Variants in C2CD4D observed in about 807,000 individuals in gnomAD.
The protein encoded by C2CD4D is C2 calcium dependent domain containing 4D, also known as C2 calcium-dependent domain-containing protein 4D.
C2CD4D carries 1 observed loss-of-function variant against 0.2 expected under a neutral mutation model. The ratio of observed to expected loss-of-function variants is 4.00; its 90% CI spans 1.42 to 18.99. C2CD4D has a LOEUF of 18.99. Ranked by LOEUF, C2CD4D falls within the 30% of genes most tolerant of loss-of-function variation. C2CD4D has a pLI of 0.11. For synonymous variants in C2CD4D, 269 were observed against 279.8 expected, an observed-to-expected ratio of 0.96 and a Z score of 0.39; for missense variants, 552 against 551.2, an observed-to-expected ratio of 1.00 and a Z score of -0.01.
At chr1:151,839,517 C>G (rs1652716587) in intron 1 of C2CD4D, among the ~76,000 whole-genome samples, 147 bp downstream of exon 1, 1 of 152,198 alleles carries the variant, frequency 6.6e-6, no homozygotes, top group Non-Finnish European at 1.5e-5. Context: ...GGGATCCAGT[C>G]TGGCGCCCCT....
At position 151,838,758 on chromosome 1, in the gene C2CD4D, C is replaced by T. The variant is rs761128301; in HGVS notation, c.232G>A (p.Ala78Thr). 5 of 1,341,996 alleles carry T rather than the reference C, an allele frequency of 3.7e-6. No homozygotes were observed. The South Asian group carries it at 5.9e-5, about 16-fold the overall frequency. 83.1% of individuals were successfully genotyped at this position (1,341,996 alleles called of 1,614,324 possible). A position where few individuals can be genotyped will look rare whatever the true frequency, so the allele number is the denominator to read the frequency against. The change falls in exon 2 of 2, where the codon GCG (alanine) becomes ACG (threonine). Residue 78 changes from alanine to threonine, a missense_variant. Coordinates refer to ENST00000454109, the Ensembl canonical transcript of C2CD4D. The stretch of plus-strand genomic sequence containing the variant: ...GCCAGGTGAGGCAGCGAGCAGGTCG[C>T]GGGGAGGCCGCGCCCCGCCACGTGC...
chr1:151,838,630 C>T, exon 2 of C2CD4D: 1 of 1,320,670 alleles, frequency 7.6e-7, no homozygotes. Context: ...GGGACTGCGC[C>T]GCGGGGAGTC....
In C2CD4D at chr1:151,838,684, C is replaced by T. The variant is rs1055449744; in HGVS notation, c.306G>A (p.Arg102=). The T allele has an allele frequency of 7.3e-6, 10 of 1,373,358 alleles. No individual in the cohort carries two copies. In the African/African-American group the frequency reaches 7.6e-5, roughly 10 times the overall value. The allele number at this position is 1,373,358 out of a possible 1,614,324, so 85.1% of individuals were successfully genotyped here. ...GCGGCCCGTGGAACAGGGATTCCCG[C>T]CGGCGCGTGTGCGGGCTCTCGGGCA... The change falls in exon 2 of 2, where the codon CGG becomes CGA. Residue 102 remains arginine (R), a synonymous_variant. Coordinates refer to ENST00000454109, the Ensembl canonical transcript of C2CD4D.
exon 2 of C2CD4D, chr1:151,838,526 C>A: frequency 1.5e-6 from 2 of 1,344,058 alleles, no homozygotes; most frequent in Non-Finnish European, 1.9e-6. Flanking sequence ...CAGGCCTGGC[C>A]GCGGGGAGCC....
In C2CD4D at chr1:151,838,239, G is replaced by A. The variant is rs769333447; in HGVS notation, c.751C>T (p.Pro251Ser). 24 of 1,376,928 alleles carry A rather than the reference G, an allele frequency of 1.7e-5. 1 individual carries two copies. In the South Asian group the frequency reaches 4.0e-4, roughly 23 times the overall value. The allele number at this position is 1,376,928 out of a possible 1,614,324, so 85.3% of individuals were successfully genotyped here. A position where few individuals can be genotyped will look rare whatever the true frequency, so the allele number is the denominator to read the frequency against. Residue 251 changes from proline (P) to serine (S), a missense_variant, in exon 2 of 2, where the codon CCC (proline) becomes TCC (serine). By Grantham distance (74) the Pro-to-Ser change is moderately conservative. Coordinates refer to ENST00000454109, the Ensembl canonical transcript of C2CD4D. Reference sequence around the variant, plus strand: ...CAGCAGCCGCCGCCGCCGCTCCCGGGGCGGGACCGCGGCCGGGGCAGGCCC... The same window carrying A: ...CAGCAGCCGCCGCCGCCGCTCCCGGAGCGGGACCGCGGCCGGGGCAGGCCC...
chr1:151,838,262 C>A (rs1033629917), exon 2 of C2CD4D: 2 of 1,326,374 alleles, frequency 1.5e-6, no homozygotes, highest in Non-Finnish European at 1.9e-6. Context: ...CCGGGGCAGG[C>A]CCTCGGCGCT....
intron 1 of C2CD4D, among the ~76,000 whole-genome samples, 78 bp from the exon 1 acceptor site, chr1:151,839,898 G>A (rs1652733704): frequency 1.3e-5 from 2 of 152,150 alleles, no homozygotes; most frequent in Admixed American, 6.5e-5. Context: ...CGAGCACAAA[G>A]GCAGCATTGA....
exon 2 of C2CD4D, chr1:151,838,456 A>T: frequency 1.4e-6 from 2 of 1,400,132 alleles, no homozygotes; most frequent in Non-Finnish European, 1.9e-6. Context: ...GCGGGCTGGT[A>T]TCGGCCGAGC....
At chr1:151,840,045 G>T (rs929145219) in intron 1 of C2CD4D, among the ~76,000 whole-genome samples, 8 of 152,204 alleles carry the variant, frequency 5.3e-5, no homozygotes, top group African/African-American at 1.9e-4. Flanking sequence ...TCCGTCGCGC[G>T]CCCGGAGTGC....
chr1:151,840,522 G>C (rs1435627519), exon 1 of C2CD4D: 1 of 152,264 alleles, frequency 6.6e-6, no homozygotes, highest in Non-Finnish European at 1.5e-5. Context: ...CTCCAAGGCA[G>C]AGTGACTTGC....
Position 151,838,509 on chromosome 1 carries a change from G to A in C2CD4D, c.481C>T (p.Arg161Cys), listed in dbSNP as rs1402934145. ...AGAGAGTGAGGCCTGGACACCCGGC[G>A]CCGGCCCAGGCCTGGCCGCGGGGAG... is the stretch of plus-strand genomic sequence containing the variant. Residue 161 changes from arginine (R) to cysteine (C), a missense_variant, in exon 2 of 2, where the codon CGC (arginine) becomes TGC (cysteine). By Grantham distance (180) the Arg-to-Cys change is radical (BLOSUM62 -3). Coordinates refer to ENST00000454109, the Ensembl canonical transcript of C2CD4D. 2 of 1,359,220 alleles carry A rather than the reference G, an allele frequency of 1.5e-6. 1 individual carries two copies. Among genetic ancestry groups the A allele is most frequent in the South Asian group, 3.5e-5 (2 of 57,082 alleles). The allele number at this position is 1,359,220 out of a possible 1,614,324, so 84.2% of individuals were successfully genotyped here.
exon 1 of C2CD4D, chr1:151,840,414 A>G (rs931543872): frequency 6.6e-6 from 1 of 152,178 alleles, no homozygotes; most frequent in Non-Finnish European, 1.5e-5. Context: ...CTCGGTTCCA[A>G]CCCCAGCCCT....
chr1:151,838,168 C>T (rs1652634659), exon 2 of C2CD4D: 1 of 1,550,650 alleles, frequency 6.4e-7, no homozygotes, highest in South Asian at 1.2e-5. Context: ...CCACGCGGCT[C>T]TGCTGCTCCC....
chr1:151,838,318 G>A, exon 2 of C2CD4D: 1 of 1,409,126 alleles, frequency 7.1e-7, no homozygotes, highest in Non-Finnish European at 9.3e-7. Context: ...GATATTCGGT[G>A]GAGAGCCGCA....
exon 2 of C2CD4D, chr1:151,838,270 G>C: frequency 7.6e-7 from 1 of 1,320,088 alleles, no homozygotes; most frequent in Non-Finnish European, 9.7e-7. Flanking sequence ...GGCCCTCGGC[G>C]CTCACTAGGC....
At chr1:151,838,855 C>T (rs1652679625) in exon 2 of C2CD4D, 4 of 1,527,778 alleles carry the variant, frequency 2.6e-6, no homozygotes, top group African/African-American at 2.9e-5. Flanking sequence ...GGATGCGATC[C>T]GGGGTGAGGA....
exon 2 of C2CD4D, chr1:151,837,979 A>G: frequency 6.5e-7 from 1 of 1,549,406 alleles, no homozygotes; most frequent in Non-Finnish European, 8.7e-7. Context: ...CTAGTCCCCC[A>G]CCCAGCGGGG....
At chr1:151,838,005 G>A (rs762570173) in exon 2 of C2CD4D, 3 of 1,551,068 alleles carry the variant, frequency 1.9e-6, no homozygotes, top group South Asian at 2.4e-5. Flanking sequence ...AGCGCAATGA[G>A]GGGCGTCTCG....
exon 2 of C2CD4D, chr1:151,839,030 G>C (rs1652691851): frequency 6.5e-7 from 1 of 1,543,628 alleles, no homozygotes; most frequent in South Asian, 1.2e-5. Context: ...CCGCAGGGCC[G>C]AGAGGGTCCA....
Sources: allele counts gnomAD v4.1 joint callset (sites outside exome capture counted in the v4.1 genomes callset), GRCh38; gene constraint gnomAD v4.1.1; transcripts MANE v1.5; gene names NCBI Gene and HGNC (gene_info 2026-07-23, HGNC 2026-07-21).